Variants in MARK3 observed in about 807,000 individuals in gnomAD.
The protein encoded by MARK3 is microtubule affinity regulating kinase 3.
In MARK3, 46 loss-of-function variants were observed where a neutral mutation model predicts 90.1. That is an observed-to-expected ratio of 0.51 (90% confidence interval 0.40 to 0.65). The LOEUF (loss-of-function observed/expected upper bound fraction) is 0.65, where lower values mean the gene tolerates loss of function less well. Ranked by LOEUF, MARK3 falls within the 30% of genes least tolerant of loss-of-function variation. MARK3 has a pLI of 0.00. For missense variants in MARK3, 818 were observed against 947.2 expected (o/e 0.86, Z 1.79); for synonymous variants, 321 against 332.6 (o/e 0.97, Z 0.38).
At chr14:103,396,402 T>C (rs977342524) in intron 1 of MARK3, among the ~76,000 whole-genome samples, 3 of 151,972 alleles carry the variant, frequency 2.0e-5, no homozygotes, top group African/African-American at 4.9e-5. Context: ...CCACTTTTAT[T>C]TTCTTTGTCT....
chr14:103,496,469 G>A (rs917242480), intron 15 of MARK3, among the ~76,000 whole-genome samples: 1 of 151,622 alleles, frequency 6.6e-6, no homozygotes, highest in African/African-American at 2.4e-5. Context: ...CTGGAGTGCA[G>A]TGGCACGATC....
At chr14:103,500,625 T>G (rs760042189) in intron 17 of MARK3, among the ~76,000 whole-genome samples, 12 of 152,076 alleles carry the variant, frequency 7.9e-5, no homozygotes, top group Non-Finnish European at 1.6e-4. Flanking sequence ...GTTGAGTGTT[T>G]TGCTTTTCTT....
At chr14:103,392,215 A>C (rs1182921814) in intron 1 of MARK3, among the ~76,000 whole-genome samples, 1 of 152,190 alleles carries the variant, frequency 6.6e-6, no homozygotes, top group Non-Finnish European at 1.5e-5. Flanking sequence ...GTGAATGCCT[A>C]CCGTGTGTAT....
At chr14:103,431,420 C>G (rs894351811) in intron 3 of MARK3, among the ~76,000 whole-genome samples, 5 of 151,964 alleles carry the variant, frequency 3.3e-5, no homozygotes, top group Non-Finnish European at 7.4e-5. Context: ...CACTTGAGGT[C>G]AGGAGTTCGA....
chr14:103,472,457 C>T (rs55784655), intron 12 of MARK3, among the ~76,000 whole-genome samples: 180 of 150,964 alleles, frequency 1.2e-3, no homozygotes, highest in Non-Finnish European at 1.3e-3. Context: ...TCCTGGCTAA[C>T]ACGGTGAAAC....
chr14:103,428,341 A>T (rs1179726483), intron 2 of MARK3, 46 bp from the exon 3 acceptor site: 3 of 1,066,494 alleles, frequency 2.8e-6, no homozygotes. Flanking sequence ...ATCAGTCCAT[A>T]ATTACTAAAT....
intron 14 of MARK3, 164 bp from the exon 15 acceptor site, chr14:103,491,613 T>G: frequency 1.6e-6 from 1 of 637,084 alleles, no homozygotes. Flanking sequence ...GTTCTTTTGG[T>G]ACCCTTTCCC....
At chr14:103,483,911 TCAAA>T (rs1489157086) in intron 14 of MARK3, among the ~76,000 whole-genome samples, 5 of 152,238 alleles carry the variant, frequency 3.3e-5, no homozygotes, top group Non-Finnish European at 7.3e-5. Flanking sequence ...TAGTGAGTGC[TCAAA>T]CAAATGTTAG....
intron 14 of MARK3, among the ~76,000 whole-genome samples, chr14:103,486,284 C>T (rs7156150): frequency 0.34 from 51,308 of 151,822 alleles, 9,028 homozygotes; most frequent in Middle Eastern, 0.46. Context: ...ACTAAAAATA[C>T]AAAAATTAGC....
intron 5 of MARK3, 113 bp downstream of exon 5, chr14:103,452,096 A>C (rs2093160892): frequency 1.5e-6 from 1 of 661,180 alleles, no homozygotes. Context: ...GTCCAGAGCC[A>C]TAATACGCTA....
At position 103,502,925 on chromosome 14, in the gene MARK3, A is replaced by G; in HGVS notation, c.1960A>G (p.Lys654Glu). ...AEQKDENKEA[K>E]PRSLRFTWSM... Reference sequence around the variant, plus strand: ...GCAAAAAGATGAAAACAAAGAAGCAAAGCCTCGATCCCTACGCTTCACCTG... The same window carrying G: ...GCAAAAAGATGAAAACAAAGAAGCAGAGCCTCGATCCCTACGCTTCACCTG... Residue 654 changes from lysine (K) to glutamate (E), a missense_variant, in exon 18 of 18, where the codon AAG becomes GAG. Lys to Glu is a moderately conservative substitution (Grantham distance 56, BLOSUM62 1). This residue lies in a region of MARK3 where 560 missense variants were observed against 613.5 expected (regional missense o/e 0.91). Transcript: ENST00000429436. 6.2e-7 allele frequency: 1 copy of G among 1,613,770 alleles called. No homozygotes were observed. The highest frequency in any genetic ancestry group is 8.5e-7 in the Non-Finnish European group (1 of 1,179,640).
chr14:103,479,628 C>CTTTTTTTTTGTT (rs2093781186), intron 13 of MARK3, among the ~76,000 whole-genome samples: 1 of 78,238 alleles, frequency 1.3e-5, no homozygotes, highest in Admixed American at 1.9e-4. Context: ...ATACGTATAG[C>CTTTTTTTTTGTT]TTTTTTTTTT....
At chr14:103,440,303 A>C (rs1052168369) in intron 3 of MARK3, among the ~76,000 whole-genome samples, 1 of 152,204 alleles carries the variant, frequency 6.6e-6, no homozygotes, top group African/African-American at 2.4e-5. Context: ...ACTTGTGAAG[A>C]GTTTCTTAAA....
At chr14:103,501,484 C>G (rs1483077275) in intron 17 of MARK3, among the ~76,000 whole-genome samples, 1 of 152,198 alleles carries the variant, frequency 6.6e-6, no homozygotes, top group Non-Finnish European at 1.5e-5. Context: ...CTTTATTATG[C>G]CACAGACACA....
chr14:103,475,187 A>C lies in MARK3; in HGVS notation c.1459A>C (p.Lys487Gln), dbSNP rs1595860555. 1 of 1,613,500 alleles carries C rather than the reference A, an allele frequency of 6.2e-7. No homozygotes were observed. The highest frequency in any genetic ancestry group is 8.5e-7 in the Non-Finnish European group (1 of 1,180,012). ...TAATAAGGCGGATATTCCTGAACGCAAGAAAAGCTCCACTGTCCCTAGTGT... is the reference window on the plus strand; with the variant it reads ...TAATAAGGCGGATATTCCTGAACGCCAGAAAAGCTCCACTGTCCCTAGTGT... ...NPNKADIPER[K>Q]KSSTVPSSNT... Residue 487 changes from lysine (K) to glutamine (Q), a missense_variant, in exon 13 of 18, where the codon AAG becomes CAG. This residue lies in a region of MARK3 where 560 missense variants were observed against 613.5 expected (regional missense o/e 0.91). Coordinates refer to ENST00000429436, the MANE Select transcript of MARK3 (RefSeq NM_001128918.3).
chr14:103,386,684 G>A (rs886617851), intron 1 of MARK3, among the ~76,000 whole-genome samples: 47 of 152,156 alleles, frequency 3.1e-4, no homozygotes, highest in African/African-American at 8.7e-4. Context: ...TTTTTTGAAG[G>A]AGTTGGTTAA....
chr14:103,467,788 A>G (rs2093542895), intron 11 of MARK3: 1 of 338,788 alleles, frequency 3.0e-6, no homozygotes, highest in African/African-American at 2.1e-5. Context: ...TGAAGTAAAT[A>G]CAACATTTAA....
chr14:103,404,429 A>T (rs1448730373), intron 1 of MARK3, among the ~76,000 whole-genome samples: 2 of 152,240 alleles, frequency 1.3e-5, no homozygotes, highest in African/African-American at 4.8e-5. Flanking sequence ...ACAGCCATGT[A>T]CACAGTGTGT....
At chr14:103,433,408 CAG>C (rs1048164182) in intron 3 of MARK3, among the ~76,000 whole-genome samples, 7 of 151,640 alleles carry the variant, frequency 4.6e-5, no homozygotes, top group Admixed American at 1.3e-4. Flanking sequence ...AATCTTCAAT[CAG>C]GGGCTGGACG....
Sources: allele counts gnomAD v4.1 joint callset (sites outside exome capture counted in the v4.1 genomes callset), GRCh38; gene constraint gnomAD v4.1.1; regional missense constraint gnomAD v4.1.1; transcripts MANE v1.5; gene names NCBI Gene and HGNC (gene_info 2026-07-23, HGNC 2026-07-21).